The following SEMA3A variants were observed in gnomAD, a reference collection of about 807,000 sequenced individuals.
The protein encoded by SEMA3A is semaphorin-3A.
A neutral mutation model predicts 97.9 loss-of-function variants in SEMA3A; 29 were observed. The observed-to-expected ratio is 0.30, with a 90% CI of 0.22 to 0.40. The LOEUF (loss-of-function observed/expected upper bound fraction) is 0.40, where lower values mean the gene tolerates loss of function less well. Among genes scored for constraint, SEMA3A ranks in the 10% least tolerant of loss-of-function variants. The pLI is 1.00. For missense variants in SEMA3A, 763 were observed against 951.3 expected, an observed-to-expected ratio of 0.80 and a Z score of 2.60; for synonymous variants, 321 against 323.7, an observed-to-expected ratio of 0.99 and a Z score of 0.09.
chr7:84,187,242 C>T (rs1463434741), intron 1 of SEMA3A, among the ~76,000 whole-genome samples: 1 of 152,192 alleles, frequency 6.6e-6, no homozygotes, highest in East Asian at 1.9e-4. Context: ...TTTGGTAGAA[C>T]TGATTTGATC....
At chr7:84,468,863 T>C (rs2116404764) in intron 1 of SEMA3A, among the ~76,000 whole-genome samples, 1 of 152,228 alleles carries the variant, frequency 6.6e-6, no homozygotes, top group East Asian at 1.9e-4. Flanking sequence ...TACTCTTATT[T>C]CATAACAGCT....
chr7:84,027,923 A>G (rs1036424375), intron 6 of SEMA3A, among the ~76,000 whole-genome samples: 3 of 152,222 alleles, frequency 2.0e-5, no homozygotes, highest in Admixed American at 6.5e-5. Flanking sequence ...CTTCTGCTTC[A>G]TTATTAAGAA....
chr7:83,980,623 A>AAAAAAAAAAAAAT (rs1310318006), intron 14 of SEMA3A, among the ~76,000 whole-genome samples: 38 of 71,744 alleles, frequency 5.3e-4, no homozygotes, highest in Non-Finnish European at 7.5e-4. Context: ...AAAAAAAAAA[A>AAAAAAAAAAAAAT]ATATATATAT....
intron 9 of SEMA3A, among the ~76,000 whole-genome samples, chr7:84,010,218 C>T (rs188281742): frequency 1.3e-5 from 2 of 152,054 alleles, no homozygotes; most frequent in African/African-American, 2.4e-5. Flanking sequence ...ACTATTTACA[C>T]TATGTAAAGT....
intron 1 of SEMA3A, among the ~76,000 whole-genome samples, chr7:84,180,525 T>A (rs1480473183): frequency 6.6e-6 from 1 of 151,694 alleles, no homozygotes; most frequent in African/African-American, 2.4e-5. Context: ...CCATCTCTAC[T>A]AAAAATACAA....
chr7:84,392,811 T>C (rs2116180840), intron 1 of SEMA3A, among the ~76,000 whole-genome samples: 1 of 152,308 alleles, frequency 6.6e-6, no homozygotes, highest in Middle Eastern at 3.4e-3. Flanking sequence ...AAACAACTTT[T>C]CTTGAATCTG....
At chr7:84,002,964 G>A (rs948970740) in intron 11 of SEMA3A, among the ~76,000 whole-genome samples, 3 of 151,918 alleles carry the variant, frequency 2.0e-5, no homozygotes, top group East Asian at 3.9e-4. Context: ...GAGGAACAGG[G>A]GCTTATTAAA....
intron 7 of SEMA3A, among the ~76,000 whole-genome samples, chr7:84,012,245 A>G (rs1189561807): frequency 2.0e-5 from 3 of 152,242 alleles, no homozygotes; most frequent in Non-Finnish European, 4.4e-5. Flanking sequence ...ACGAAGAATT[A>G]TAAGTATGTG....
At chr7:83,980,613 A>AACAAACAAAC (rs1178818964) in intron 14 of SEMA3A, among the ~76,000 whole-genome samples, 2 of 81,544 alleles carry the variant, frequency 2.5e-5, no homozygotes, top group African/African-American at 1.0e-4. Flanking sequence ...CAAAAAAAAA[A>AACAAACAAAC]AAAAAAAAAA....
At chr7:84,164,733 A>G (rs1417710102) in intron 1 of SEMA3A, among the ~76,000 whole-genome samples, 1 of 152,024 alleles carries the variant, frequency 6.6e-6, no homozygotes, top group African/African-American at 2.4e-5. Flanking sequence ...GCTTAAGAAT[A>G]CTCTTGTCTG....
At chr7:84,174,630 A>C (rs1370871323) in intron 1 of SEMA3A, among the ~76,000 whole-genome samples, 2 of 152,224 alleles carry the variant, frequency 1.3e-5, no homozygotes, top group African/African-American at 2.4e-5. Context: ...ATGGTATATG[A>C]TTATGTACTA....
chr7:84,137,805 C>T (rs563104281), intron 1 of SEMA3A, among the ~76,000 whole-genome samples: 2 of 151,514 alleles, frequency 1.3e-5, no homozygotes, highest in South Asian at 4.2e-4. Context: ...ATTGCAAATG[C>T]ATAGAAACTA....
chr7:83,996,633 C>G (rs186571541), intron 12 of SEMA3A, among the ~76,000 whole-genome samples: 1 of 152,200 alleles, frequency 6.6e-6, no homozygotes, highest in Admixed American at 6.5e-5. Flanking sequence ...AAACAAAACA[C>G]TTTTTAAAAG....
At chr7:84,006,492 A>G (rs6952700) in intron 10 of SEMA3A, among the ~76,000 whole-genome samples, 36,265 of 151,514 alleles carry the variant, frequency 0.24, 4,476 homozygotes, top group South Asian at 0.31. Context: ...GCAGCCAGAA[A>G]GATGCATGGT....
At chr7:84,336,194 G>T (rs1208860498) in intron 2 of SEMA3A, among the ~76,000 whole-genome samples, 2 of 152,092 alleles carry the variant, frequency 1.3e-5, no homozygotes, top group African/African-American at 4.8e-5. Context: ...TTCTATGAGT[G>T]CAATTAAGAG....
At chr7:84,310,167 A>G (rs1242890366) in intron 2 of SEMA3A, among the ~76,000 whole-genome samples, 1 of 152,130 alleles carries the variant, frequency 6.6e-6, no homozygotes, top group Non-Finnish European at 1.5e-5. Context: ...GGTTGAAAAT[A>G]TCACTCTAAT....
intron 6 of SEMA3A, among the ~76,000 whole-genome samples, chr7:84,020,414 A>G (rs1459405043): frequency 6.6e-6 from 1 of 150,864 alleles, no homozygotes; most frequent in Non-Finnish European, 1.5e-5. Flanking sequence ...TCATCAAGCT[A>G]TGTCAACTTT....
intron 3 of SEMA3A, among the ~76,000 whole-genome samples, chr7:84,288,837 A>G (rs1800664220): frequency 6.6e-6 from 1 of 152,168 alleles, no homozygotes; most frequent in African/African-American, 2.4e-5. Flanking sequence ...AAAAAACTGT[A>G]TAATCCAGCA....
chr7:84,107,817 A>G (rs1331941606), intron 4 of SEMA3A, among the ~76,000 whole-genome samples: 1 of 152,192 alleles, frequency 6.6e-6, no homozygotes, highest in East Asian at 1.9e-4. Context: ...AGCATATGGC[A>G]TTTTAATTTA....
Sources: allele counts gnomAD v4.1 joint callset (sites outside exome capture counted in the v4.1 genomes callset), GRCh38; gene constraint gnomAD v4.1.1; transcripts MANE v1.5; gene names NCBI Gene and HGNC (gene_info 2026-07-23, HGNC 2026-07-21).